The following ZNF350 variants were observed in gnomAD, a reference collection of about 807,000 sequenced individuals.
ZNF350 encodes KRAB zinc finger protein ZFQR.
ZNF350 carries 5 observed loss-of-function variants against 13.1 expected under a neutral mutation model. The ratio of observed to expected loss-of-function variants is 0.38; its 90% CI spans 0.20 to 0.80. The LOEUF is 0.80. Ranked by LOEUF, ZNF350 falls within the 30% of genes least tolerant of loss-of-function variation. ZNF350 has a pLI of 0.43. For missense variants in ZNF350, 534 were observed against 644.2 expected (o/e 0.83, Z 1.85); for synonymous variants, 199 against 224.2 (o/e 0.89, Z 1.00).
Position 51,965,149 on chromosome 19 carries a change from T to TC in ZNF350, c.1303dup (p.Glu435GlyfsTer15), listed in dbSNP as rs1299578699. On this transcript the variant is annotated frameshift_variant, in exon 5 of 5. Coordinates refer to ENST00000243644, the MANE Select transcript of ZNF350 (RefSeq NM_021632.4). LOFTEE classifies it low-confidence loss of function (END_TRUNC). ...GCTGTGCCTCTCTGCAGGAGGATTT[T>TC]CCACCTTGGCTGCCTCTTGTTTCTC... is the stretch of plus-strand genomic sequence containing the variant. The TC allele has an allele frequency of 6.2e-7, 1 of 1,614,226 alleles. No individual in the cohort carries two copies. The highest frequency in any genetic ancestry group is 2.2e-5 in the East Asian group (1 of 44,886).
At chr19:51,968,463 A>G in intron 4 of ZNF350, 115 bp downstream of exon 4, 1 of 891,548 alleles carries the variant, frequency 1.1e-6, no homozygotes. Flanking sequence ...ACACTGGGAG[A>G]CAGATGAGTA....
At chr19:51,973,779 G>A (rs1599942597) in intron 2 of ZNF350, 1 of 152,260 alleles carries the variant, frequency 6.6e-6, no homozygotes, top group African/African-American at 2.4e-5. Flanking sequence ...ACTGCCACAA[G>A]GCTGAAATTA....
intron 1 of ZNF350, among the ~76,000 whole-genome samples, chr19:51,983,127 C>T (rs551966069): frequency 6.6e-6 from 1 of 152,322 alleles, no homozygotes; most frequent in South Asian, 2.1e-4. Context: ...TGTGTTGGCT[C>T]AAGGTTTAAT....
At chr19:51,967,492 C>T (rs1023962031) in intron 4 of ZNF350, 9 of 152,152 alleles carry the variant, frequency 5.9e-5, no homozygotes, top group African/African-American at 2.2e-4. Flanking sequence ...GTGTGGAACA[C>T]ACCAGGCAGG....
chr19:51,980,072 A>G (rs1386931104), intron 1 of ZNF350, among the ~76,000 whole-genome samples: 1 of 152,248 alleles, frequency 6.6e-6, no homozygotes, highest in Non-Finnish European at 1.5e-5. Flanking sequence ...TTTGTAAAGA[A>G]TATCACCACT....
At chr19:51,971,685 G>C (rs960567590) in intron 2 of ZNF350, among the ~76,000 whole-genome samples, 2 of 152,076 alleles carry the variant, frequency 1.3e-5, no homozygotes, top group African/African-American at 4.8e-5. Context: ...TATCTCTTTT[G>C]CCTAATAAAT....
chr19:51,968,386 G>A (rs953447434), intron 4 of ZNF350, 192 bp downstream of exon 4: 16 of 608,178 alleles, frequency 2.6e-5, no homozygotes, highest in Admixed American at 1.7e-4. Context: ...TCTCTGAGGA[G>A]ATAAAGAGTT....
At chr19:51,986,558 G>C (rs558725735) in intron 1 of ZNF350, 1 of 152,342 alleles carries the variant, frequency 6.6e-6, no homozygotes, top group Admixed American at 6.6e-5. Context: ...CTTAGTCACT[G>C]TACTCACACC....
At chr19:51,969,674 A>T (rs1481047898) in intron 2 of ZNF350, among the ~76,000 whole-genome samples, 4 of 152,050 alleles carry the variant, frequency 2.6e-5, no homozygotes, top group African/African-American at 4.8e-5. Context: ...ACAAAAAATT[A>T]AAAAATTAGC....
intron 1 of ZNF350, among the ~76,000 whole-genome samples, chr19:51,985,733 G>A (rs373206178): frequency 3.9e-5 from 6 of 152,332 alleles, no homozygotes; most frequent in East Asian, 1.9e-4. Flanking sequence ...AAGGCCGGGC[G>A]CGGTGGCTCA....
rs987295185 is a variant in ZNF350 at position 51,964,511 on chromosome 19, A to T, written c.*343T>A. On this transcript the variant is annotated 3_prime_UTR_variant, in exon 5 of 5. Transcript: ENST00000243644. The stretch of plus-strand genomic sequence containing the variant: ...GTGTCCCACATTCCACCATTACAGT[A>T]TTAGCCCTTTCCCACCAACTGCCCC... The T allele has an allele frequency of 6.4e-6, 2 of 310,686 alleles. No individual in the cohort carries two copies. The highest frequency in any genetic ancestry group is 1.2e-5 in the Non-Finnish European group (2 of 167,018). 19.2% of individuals were successfully genotyped at this position (310,686 alleles called of 1,614,324 possible). A position where few individuals can be genotyped will look rare whatever the true frequency, so the allele number is the denominator to read the frequency against.
chr19:51,982,548 T>A (rs1200931071), intron 1 of ZNF350, among the ~76,000 whole-genome samples: 1 of 152,196 alleles, frequency 6.6e-6, no homozygotes, highest in Non-Finnish European at 1.5e-5. Flanking sequence ...TTTAAATAAA[T>A]GCAAAGATGT....
chr19:51,979,960 G>A (rs764600806), intron 1 of ZNF350, among the ~76,000 whole-genome samples: 4 of 152,198 alleles, frequency 2.6e-5, no homozygotes, highest in Non-Finnish European at 5.9e-5. Flanking sequence ...ACCAATTCAA[G>A]AAACTATATG....
intron 1 of ZNF350, chr19:51,986,420 CTG>C (rs2086159199): frequency 6.5e-6 from 1 of 152,678 alleles, no homozygotes; most frequent in South Asian, 2.1e-4. Flanking sequence ...TCCAACATCA[CTG>C]AGTTCCAAAT....
chr19:51,974,608 TCATCTTAAAG>T (rs1568483134), intron 1 of ZNF350, 77 bp from the exon 2 acceptor site: 3 of 474,996 alleles, frequency 6.3e-6, no homozygotes, highest in Non-Finnish European at 7.6e-6. Flanking sequence ...TGCTAGGCAC[TCATCTTAAAG>T]CAATGCCCCC....
intron 1 of ZNF350, chr19:51,974,988 A>G (rs2085844351): frequency 6.6e-6 from 1 of 152,268 alleles, no homozygotes; most frequent in South Asian, 2.1e-4. Context: ...GCATTGTCAT[A>G]AAAACAGTAC....
At chr19:51,978,989 TG>T (rs1290192981) in intron 1 of ZNF350, among the ~76,000 whole-genome samples, 1 of 152,104 alleles carries the variant, frequency 6.6e-6, no homozygotes, top group Non-Finnish European at 1.5e-5. Context: ...ACAAGCCATG[TG>T]GGTGCCCTCA....
At chr19:51,972,388 C>A (rs1328965407) in intron 2 of ZNF350, among the ~76,000 whole-genome samples, 1 of 147,808 alleles carries the variant, frequency 6.8e-6, no homozygotes, top group Non-Finnish European at 1.5e-5. Flanking sequence ...CACACACACA[C>A]AAAACCTTTA....
intron 1 of ZNF350, chr19:51,981,266 CCCT>C (rs986184014): frequency 2.0e-5 from 3 of 150,950 alleles, no homozygotes; most frequent in African/African-American, 7.3e-5. Flanking sequence ...CACCCCCCCA[CCCT>C]CCTATCTCTT....
Sources: gnomAD v4.1 joint callset for allele counts (sites outside exome capture counted in the v4.1 genomes callset) on GRCh38, gnomAD v4.1.1 for gene constraint, MANE v1.5 for transcripts, NCBI Gene and HGNC (gene_info 2026-07-23, HGNC 2026-07-21) for gene names.